Variants in PPARGC1A observed in about 807,000 individuals in gnomAD.
The protein encoded by PPARGC1A is peroxisome proliferator-activated receptor gamma coactivator 1-alpha.
In PPARGC1A, 25 loss-of-function variants were observed where a neutral mutation model predicts 88.7. The ratio of observed to expected loss-of-function variants is 0.28; its 90% CI spans 0.21 to 0.39. PPARGC1A has a LOEUF of 0.39. Among genes scored for constraint, PPARGC1A ranks in the 10% least tolerant of loss-of-function variants. PPARGC1A has a pLI of 1.00. For missense variants in PPARGC1A, 880 were observed against 968.7 expected (o/e 0.91, Z 1.22); for synonymous variants, 363 against 355.6 (o/e 1.02, Z -0.24).
At chr4:24,295,947 ATTAT>A in the PPARGC1A span, among the ~76,000 whole-genome samples, 2 of 150,564 alleles carry the variant, frequency 1.3e-5, no homozygotes, top group African/African-American at 4.9e-5. Context: ...AGATGCCGGT[ATTAT>A]TTATCACTTG....
the PPARGC1A span, among the ~76,000 whole-genome samples, chr4:24,359,372 G>T: frequency 6.6e-6 from 1 of 152,188 alleles, no homozygotes. Flanking sequence ...CTGTAAAGAT[G>T]CCTCCACCAT....
the PPARGC1A span, among the ~76,000 whole-genome samples, chr4:24,112,634 T>C: frequency 6.6e-6 from 1 of 152,230 alleles, no homozygotes. Flanking sequence ...GCCATGATCA[T>C]TCATCACTGT....
the PPARGC1A span, among the ~76,000 whole-genome samples, chr4:24,342,825 G>T: frequency 2.6e-5 from 4 of 152,144 alleles, no homozygotes; most frequent in Admixed American, 1.3e-4. Flanking sequence ...TGAGTCCTGG[G>T]ATACCTTGCT....
chr4:24,120,289 TGGTTCCTTCCCAGTCAGGCTGGC>T, the PPARGC1A span, among the ~76,000 whole-genome samples: 1 of 152,122 alleles, frequency 6.6e-6, no homozygotes, highest in Non-Finnish European at 1.5e-5. Flanking sequence ...CACCACCATC[TGGTTCCTTCCCAGTCAGGCTGGC>T]TGACAGGGAT....
At chr4:23,844,761 TATA>T (rs1308472688) in intron 2 of PPARGC1A, among the ~76,000 whole-genome samples, 64 of 107,978 alleles carry the variant, frequency 5.9e-4, no homozygotes, top group African/African-American at 2.2e-3. Context: ...TGATATATAT[TATA>T]ATAATATATG....
At chr4:24,422,499 T>C in the PPARGC1A span, among the ~76,000 whole-genome samples, 1 of 152,194 alleles carries the variant, frequency 6.6e-6, no homozygotes, top group African/African-American at 2.4e-5. Context: ...TCTTTCATTC[T>C]CATGTTTTAA....
At chr4:23,970,896 T>C in the PPARGC1A span, among the ~76,000 whole-genome samples, 1 of 152,204 alleles carries the variant, frequency 6.6e-6, no homozygotes, top group Non-Finnish European at 1.5e-5. Flanking sequence ...TACTCACTTT[T>C]GTCTATTTCC....
the PPARGC1A span, among the ~76,000 whole-genome samples, chr4:24,118,517 G>A: frequency 1.2e-4 from 18 of 152,048 alleles, no homozygotes; most frequent in Non-Finnish European, 2.5e-4. Flanking sequence ...TACACAGAGC[G>A]CTCACCAAAG....
the PPARGC1A span, among the ~76,000 whole-genome samples, chr4:24,109,776 A>G: frequency 6.6e-6 from 1 of 152,138 alleles, no homozygotes; most frequent in Admixed American, 6.5e-5. Context: ...GCTAGGAAGG[A>G]GGAACAAGTT....
At chr4:24,184,311 T>C in the PPARGC1A span, among the ~76,000 whole-genome samples, 1 of 152,218 alleles carries the variant, frequency 6.6e-6, no homozygotes, top group Non-Finnish European at 1.5e-5. Flanking sequence ...TATTCTGTTT[T>C]CCAGTGAGAT....
the PPARGC1A span, among the ~76,000 whole-genome samples, chr4:24,120,610 C>T: frequency 6.6e-6 from 1 of 152,130 alleles, no homozygotes; most frequent in Non-Finnish European, 1.5e-5. Context: ...TTGTGTCCCC[C>T]AAAATTCATA....
chr4:23,875,416 A>G (rs905544865), intron 2 of PPARGC1A, among the ~76,000 whole-genome samples: 1 of 152,000 alleles, frequency 6.6e-6, no homozygotes, highest in Non-Finnish European at 1.5e-5. Context: ...CTATTCTAAC[A>G]AAGTTTGTTA....
the PPARGC1A span, among the ~76,000 whole-genome samples, chr4:24,108,837 G>A: frequency 6.6e-6 from 1 of 151,962 alleles, no homozygotes. Flanking sequence ...TTGGCCAGAA[G>A]ATGCTGCTAA....
At chr4:24,064,973 G>A in the PPARGC1A span, among the ~76,000 whole-genome samples, 4 of 152,118 alleles carry the variant, frequency 2.6e-5, no homozygotes, top group African/African-American at 7.2e-5. Flanking sequence ...CCAGGACAAC[G>A]TTAAGATAGT....
At chr4:24,470,582 G>T in the PPARGC1A span, among the ~76,000 whole-genome samples, 5 of 152,040 alleles carry the variant, frequency 3.3e-5, no homozygotes, top group African/African-American at 1.2e-4. This position sits in a 1 kb window ranked among gnomAD's most constrained non-coding sequence, Gnocchi z 5.8. Context: ...AGTAGCTCCT[G>T]CAAGTTTCTA....
chr4:24,403,872 CACAG>C, the PPARGC1A span, among the ~76,000 whole-genome samples: 1 of 152,202 alleles, frequency 6.6e-6, no homozygotes, highest in Admixed American at 6.5e-5. Context: ...AGAATCTAGA[CACAG>C]CACAAAAATT....
the PPARGC1A span, among the ~76,000 whole-genome samples, chr4:24,209,090 A>G: frequency 1.3e-5 from 2 of 152,170 alleles, no homozygotes; most frequent in Non-Finnish European, 2.9e-5. Context: ...GGCAGTGAAG[A>G]ATGAGATGTT....
the PPARGC1A span, among the ~76,000 whole-genome samples, chr4:24,093,123 T>C: frequency 9.2e-5 from 14 of 152,234 alleles, no homozygotes; most frequent in South Asian, 6.2e-4. Flanking sequence ...GTTATTATTA[T>C]GCTCCTGATT....
chr4:24,015,657 T>C, the PPARGC1A span, among the ~76,000 whole-genome samples: 1 of 152,130 alleles, frequency 6.6e-6, no homozygotes, highest in African/African-American at 2.4e-5. Flanking sequence ...GTGAGTGTAA[T>C]GCACTCTTGT....
Sources: allele counts gnomAD v4.1 joint callset (sites outside exome capture counted in the v4.1 genomes callset), GRCh38; gene constraint gnomAD v4.1.1; non-coding constraint Gnocchi (gnomAD v3.1); transcripts MANE v1.5; gene names NCBI Gene and HGNC (gene_info 2026-07-23, HGNC 2026-07-21).